Variants in MMRN2 observed in about 807,000 individuals in gnomAD.
MMRN2 encodes the protein multimerin 2, also known as multimerin-2.
A neutral mutation model predicts 68.8 loss-of-function variants in MMRN2; 53 were observed. The observed-to-expected ratio is 0.77, with a 90% CI of 0.62 to 0.97. MMRN2 has a LOEUF of 0.97. MMRN2 is among the 50% of genes least tolerant of loss of function. The pLI is 0.00. For synonymous variants in MMRN2, 564 were observed against 551.6 expected, an observed-to-expected ratio of 1.02 and a Z score of -0.32; for missense variants, 1,266 against 1,259.5, an observed-to-expected ratio of 1.01 and a Z score of -0.08.
intron 6 of MMRN2, among the ~76,000 whole-genome samples, chr10:86,940,013 G>C (rs914105970): frequency 7.9e-6 from 1 of 126,390 alleles, no homozygotes; most frequent in African/African-American, 3.0e-5. Flanking sequence ...ACCACACCGG[G>C]CTAATTTTTT....
In MMRN2 at chr10:86,943,528, G is replaced by A. The variant is rs1259999856; in HGVS notation, c.1256C>T (p.Ser419Leu). The A allele has an allele frequency of 2.5e-6, 4 of 1,614,224 alleles. No individual in the cohort carries two copies. Among genetic ancestry groups the A allele is most frequent in the East Asian group, 2.2e-5 (1 of 44,874 alleles). The part of the protein sequence containing the change: ...VDEIKELYSE[S>L]DETFDQISKV... ...GCTAATCTGATCGAAAGTCTCGTCCGATTCGGAGTACAGTTCCTTGATCTC... is the reference window on the plus strand; with the variant it reads ...GCTAATCTGATCGAAAGTCTCGTCCAATTCGGAGTACAGTTCCTTGATCTC... Residue 419 changes from serine to leucine, a missense_variant, in exon 6 of 7, where the codon TCG becomes TTG. Physicochemically the swap from Ser to Leu is moderately radical, Grantham distance 145. Coordinates refer to ENST00000372027, the MANE Select transcript of MMRN2 (RefSeq NM_024756.3). The surrounding 1 kb of genome is among the most constrained non-coding windows in gnomAD (Gnocchi z 4.2).
intron 1 of MMRN2, among the ~76,000 whole-genome samples, chr10:86,950,491 A>G (rs775905964): frequency 2.6e-5 from 4 of 152,218 alleles, no homozygotes; most frequent in Admixed American, 2.6e-4. Flanking sequence ...ACACTCTAAC[A>G]AAACAACAGA....
chr10:86,944,223 G>A (rs1324089070), intron 5 of MMRN2, 39 bp downstream of exon 5: 2 of 1,592,986 alleles, frequency 1.3e-6, no homozygotes. Flanking sequence ...CCCTCAATGT[G>A]ACCAGGCTCT....
At chr10:86,951,896 A>G (rs1844149634) in intron 1 of MMRN2, among the ~76,000 whole-genome samples, 1 of 151,976 alleles carries the variant, frequency 6.6e-6, no homozygotes, top group African/African-American at 2.4e-5. Context: ...AAAAATACAA[A>G]AATTAGCTGG....
At chr10:86,955,135 C>T (rs560311099) in intron 1 of MMRN2, among the ~76,000 whole-genome samples, 2 of 152,266 alleles carry the variant, frequency 1.3e-5, no homozygotes, top group East Asian at 1.9e-4. Context: ...AGCTCTGTGG[C>T]CCTGGGAGGC....
At position 86,954,421 on chromosome 10, in the gene MMRN2, C is replaced by T. The variant is rs577985222; in HGVS notation, c.164+2957G>A. 3.9e-5 allele frequency among the ~76,000 whole-genome samples: 6 copies of T among 152,362 alleles called. No individual in the cohort carries two copies. The East Asian group carries it at 7.7e-4, about 20-fold the overall frequency. On this transcript the variant is annotated intron_variant, in intron 1 of 6. Transcript: ENST00000372027. ...AGGCCCTTCCCCCATCATCGAAATG[C>T]GAAGAAGCTGTGCCTCTGCGGCACA...
chr10:86,956,267 G>A (rs1844226470), intron 1 of MMRN2, among the ~76,000 whole-genome samples: 1 of 151,806 alleles, frequency 6.6e-6, no homozygotes, highest in Non-Finnish European at 1.5e-5. Flanking sequence ...TGTTCCCCAC[G>A]CCACTGCCAC....
chr10:86,952,311 C>G (rs1454248437), intron 1 of MMRN2, among the ~76,000 whole-genome samples: 1 of 152,178 alleles, frequency 6.6e-6, no homozygotes, highest in East Asian at 1.9e-4. Context: ...GGCGCTGGCC[C>G]CAGAGCTCAG....
rs1328593921 is a variant in MMRN2, at chr10:86,943,635, C to G, written c.1149G>C (p.Leu383=). The G allele has an allele frequency of 1.2e-6, 2 of 1,613,506 alleles. No homozygotes were observed. The highest frequency in any genetic ancestry group is 1.7e-6 in the Non-Finnish European group (2 of 1,179,992). ...LGQLQRNLSE[L]HMTTARREEE... ...CCTCCCTGCGGGCCGTGGTCATGTG[C>G]AGCTCTGAGAGGTTCCTCTGCAGCT... Residue 383 remains leucine, a synonymous_variant, in exon 6 of 7, where the codon CTG becomes CTC. Transcript: ENST00000372027. The surrounding 1 kb of genome is among the most constrained non-coding windows in gnomAD (Gnocchi z 4.2).
intron 1 of MMRN2, among the ~76,000 whole-genome samples, chr10:86,952,373 GA>G (rs1844156999): frequency 6.6e-6 from 1 of 152,220 alleles, no homozygotes; most frequent in South Asian, 2.1e-4. Context: ...GGGCCCCATG[GA>G]AACTCCTGGA....
At chr10:86,937,287 G>A (rs76220176) in intron 6 of MMRN2, among the ~76,000 whole-genome samples, 162 bp from the exon 7 acceptor site, 1 of 152,290 alleles carries the variant, frequency 6.6e-6, no homozygotes, top group East Asian at 1.9e-4. Context: ...CAGGAGAAAA[G>A]CTAGATGGCC....
chr10:86,937,164 T>C (rs1843892723), intron 6 of MMRN2, 39 bp from the exon 7 acceptor site: 6 of 1,598,746 alleles, frequency 3.8e-6, no homozygotes, highest in Non-Finnish European at 5.1e-6. Flanking sequence ...ATTCATCCCT[T>C]ACACCATTGG....
At chr10:86,955,179 A>G (rs915012283) in intron 1 of MMRN2, among the ~76,000 whole-genome samples, 2 of 152,032 alleles carry the variant, frequency 1.3e-5, no homozygotes, top group African/African-American at 2.4e-5. Flanking sequence ...TAGCAATGTG[A>G]TAGATGGGAC....
chr10:86,939,074 A>C (rs375211116), intron 6 of MMRN2, among the ~76,000 whole-genome samples: 1 of 151,426 alleles, frequency 6.6e-6, no homozygotes, highest in East Asian at 1.9e-4. Flanking sequence ...AGGCATGAGA[A>C]TCGCTTGCAC....
Position 86,942,680 on chromosome 10 carries a change from G to T in MMRN2, c.2104C>A (p.Gln702Lys). ...TALAGLAREL[Q>K]SLSNDVKNVG... ...TTCTTGACGTCGTTGCTCAGGCTCT[G>T]GAGCTCCCGCGCCAGCCCGGCCAGG... Residue 702 changes from glutamine to lysine, a missense_variant, in exon 6 of 7, where the codon CAG becomes AAG. Gln to Lys is a moderately conservative substitution (Grantham distance 53, BLOSUM62 1). Transcript: ENST00000372027. 1 of 1,584,602 alleles carries T rather than the reference G, an allele frequency of 6.3e-7. No homozygotes were observed. Among genetic ancestry groups the T allele is most frequent in the Non-Finnish European group, 8.5e-7 (1 of 1,171,630 alleles).
chr10:86,942,451 C>G lies in MMRN2; in HGVS notation c.2333G>C (p.Ser778Thr), dbSNP rs766614723. The change falls in exon 6 of 7, where the codon AGC becomes ACC. Residue 778 changes from serine (S) to threonine (T), a missense_variant. Transcript: ENST00000372027. ...LDLGKLQTML[S>T]RKGKKQQKDL... is the part of the protein sequence containing the mutation. The stretch of plus-strand genomic sequence containing the variant: ...TTTCTGCTGCTTCTTCCCTTTCCTG[C>G]TCAGCATGGTCTGCAGCTTCCCCAG... 6.2e-7 allele frequency: 1 copy of G among 1,614,194 alleles called. No individual in the cohort carries two copies. The highest frequency in any genetic ancestry group is 1.1e-5 in the South Asian group (1 of 91,090).
chr10:86,951,263 C>G (rs1844140017), intron 1 of MMRN2, among the ~76,000 whole-genome samples: 1 of 152,204 alleles, frequency 6.6e-6, no homozygotes, highest in Admixed American at 6.5e-5. Flanking sequence ...CCAGTTGACT[C>G]CTAATCAGGA....
intron 4 of MMRN2, among the ~76,000 whole-genome samples, chr10:86,944,882 T>C (rs561878429): frequency 6.6e-6 from 1 of 151,812 alleles, no homozygotes; most frequent in South Asian, 2.1e-4. Context: ...TGGGAAAGGG[T>C]GAGAATGCTT....
chr10:86,942,376 A>C lies in MMRN2; in HGVS notation c.2408T>G (p.Val803Gly). 6.2e-7 allele frequency: 1 copy of C among 1,614,092 alleles called. No homozygotes were observed. The highest frequency in any genetic ancestry group is 1.3e-5 in the African/African-American group (1 of 75,038). The change falls in exon 6 of 7, where the codon GTG becomes GGG. Residue 803 changes from valine (V) to glycine (G), a missense_variant. By Grantham distance (109) the Val-to-Gly change is moderately radical. Coordinates refer to ENST00000372027, the MANE Select transcript of MMRN2 (RefSeq NM_024756.3). The stretch of plus-strand genomic sequence containing the variant: ...CACAGGCCCTGTGACCCGTATGTCC[A>C]CCAAAGGCTCCGCTTCCTTCTTGTC... ...KRDKKEAEPL[V>G]DIRVTGPVPG...
Sources: gnomAD v4.1 joint callset for allele counts (sites outside exome capture counted in the v4.1 genomes callset) on GRCh38, gnomAD v4.1.1 for gene constraint, Gnocchi (gnomAD v3.1) non-coding constraint, MANE v1.5 for transcripts, NCBI Gene and HGNC (gene_info 2026-07-23, HGNC 2026-07-21) for gene names.